The following HSD17B12 variants were observed in gnomAD, a reference collection of about 807,000 sequenced individuals.
HSD17B12 encodes the protein hydroxysteroid 17-beta dehydrogenase 12.
In HSD17B12, 32 loss-of-function variants were observed where a neutral mutation model predicts 39.3. That is an observed-to-expected ratio of 0.81 (90% confidence interval 0.61 to 1.09). The LOEUF is 1.09. Among genes scored for constraint, HSD17B12 ranks in the 50% least tolerant of loss-of-function variants. HSD17B12 has a pLI of 0.00. For missense variants in HSD17B12, 342 were observed against 382.9 expected (o/e 0.89, Z 0.89); for synonymous variants, 150 against 146.7 (o/e 1.02, Z -0.16).
the HSD17B12 span, among the ~76,000 whole-genome samples, chr11:43,580,909 T>A: frequency 6.6e-6 from 1 of 152,048 alleles, no homozygotes; most frequent in Non-Finnish European, 1.5e-5. Context: ...ATTTATTTAG[T>A]GCTCTGGGGG....
the HSD17B12 span, among the ~76,000 whole-genome samples, chr11:43,566,033 C>CTCTT: frequency 6.6e-6 from 1 of 152,088 alleles, no homozygotes; most frequent in Non-Finnish European, 1.5e-5. Context: ...AGGGGATGCT[C>CTCTT]TGTATTTCCG....
intron 3 of HSD17B12, among the ~76,000 whole-genome samples, chr11:43,778,356 C>A (rs1032648313): frequency 7.9e-5 from 12 of 152,056 alleles, no homozygotes; most frequent in African/African-American, 2.7e-4. Flanking sequence ...GCTTACCAAC[C>A]AAAAGGAGTC....
chr11:43,713,733 C>T lies in HSD17B12; in HGVS notation c.160+32746C>T, dbSNP rs369848249. 3.3e-5 allele frequency among the ~76,000 whole-genome samples: 5 copies of T among 152,076 alleles called. No homozygotes were observed. In the South Asian group the frequency reaches 6.2e-4, roughly 19 times the overall value. On this transcript the variant is annotated intron_variant, in intron 1 of 10. Transcript: ENST00000278353. ...TTCCACAATGGTTGAACTAGTTTAC[C>T]GTCCCACCAACAGTGTAAAAGTGTT...
chr11:43,820,358 G>A (rs568146464), intron 6 of HSD17B12, among the ~76,000 whole-genome samples: 7 of 152,312 alleles, frequency 4.6e-5, no homozygotes, highest in African/African-American at 7.2e-5. Context: ...TCACCTTGAC[G>A]AAATTTGTGT....
At chr11:43,588,558 G>A in the HSD17B12 span, among the ~76,000 whole-genome samples, 1 of 151,742 alleles carries the variant, frequency 6.6e-6, no homozygotes, top group Non-Finnish European at 1.5e-5. Context: ...GATTATGCAT[G>A]TGTAAAGAGC....
At chr11:43,800,112 C>A (rs1950952361) in intron 4 of HSD17B12, among the ~76,000 whole-genome samples, 1 of 152,188 alleles carries the variant, frequency 6.6e-6, no homozygotes, top group Non-Finnish European at 1.5e-5. Context: ...ATAAAAAAAT[C>A]TTGACTTCCT....
the HSD17B12 span, among the ~76,000 whole-genome samples, chr11:43,660,080 G>A: frequency 6.6e-6 from 1 of 152,168 alleles, no homozygotes; most frequent in African/African-American, 2.4e-5. Flanking sequence ...CTGATCCAGA[G>A]ACTCCCTTGC....
chr11:43,594,732 A>G, the HSD17B12 span, among the ~76,000 whole-genome samples: 1 of 152,010 alleles, frequency 6.6e-6, no homozygotes, highest in Admixed American at 6.6e-5. Context: ...GGAGTGCATT[A>G]GTCGTTTGTT....
chr11:43,645,900 GA>G, the HSD17B12 span: 1 of 152,226 alleles, frequency 6.6e-6, no homozygotes, highest in South Asian at 2.1e-4. Flanking sequence ...AGAATCACTT[GA>G]ACCCAGGAGG....
chr11:43,712,494 T>C (rs1950076895), intron 1 of HSD17B12, among the ~76,000 whole-genome samples: 1 of 152,102 alleles, frequency 6.6e-6, no homozygotes, highest in Non-Finnish European at 1.5e-5. Flanking sequence ...GATTTTTTTT[T>C]CTACTGATAA....
At chr11:43,577,069 A>G in the HSD17B12 span, among the ~76,000 whole-genome samples, 1 of 151,702 alleles carries the variant, frequency 6.6e-6, no homozygotes. Flanking sequence ...AAAAATCTCT[A>G]CTCCTTTGAC....
rs1950113064 is a variant in HSD17B12 at position 43,715,503 on chromosome 11, G to A, written c.160+34516G>A. Among the ~76,000 whole-genome samples the A allele has an allele frequency of 2.0e-5, 3 of 152,170 alleles. No homozygotes were observed. The South Asian group carries it at 6.2e-4, about 32-fold the overall frequency. ...CTTGATCATGGTAGATAAGCTTTTT[G>A]ATGTGCTGCTGGATTTGGTTTGCCA... is the stretch of plus-strand genomic sequence containing the variant. On this transcript the variant is annotated intron_variant, in intron 1 of 10. Transcript: ENST00000278353.
the HSD17B12 span, among the ~76,000 whole-genome samples, chr11:43,638,378 CAGGTAGGAAAGTAGAGTGGGTA>C: frequency 2.6e-5 from 4 of 151,836 alleles, no homozygotes; most frequent in African/African-American, 9.7e-5. Context: ...GAGTGATGTC[CAGGTAGGAAAGTAGAGTGGGTA>C]AGGCAGTGAA....
At chr11:43,830,916 A>C in intron 6 of HSD17B12, 60 bp from the exon 7 acceptor site, 1 of 1,413,758 alleles carries the variant, frequency 7.1e-7, no homozygotes, top group African/African-American at 1.4e-5. Flanking sequence ...AGTTTTCTTC[A>C]CTCTTTTTCT....
the HSD17B12 span, among the ~76,000 whole-genome samples, chr11:43,639,607 T>C: frequency 6.6e-6 from 1 of 151,616 alleles, no homozygotes; most frequent in Admixed American, 6.6e-5. Context: ...CTTCTATCCA[T>C]AGAAGGAACC....
chr11:43,704,384 G>A (rs1949994690), intron 1 of HSD17B12, among the ~76,000 whole-genome samples: 1 of 152,186 alleles, frequency 6.6e-6, no homozygotes, highest in African/African-American at 2.4e-5. Flanking sequence ...AATACTGAAC[G>A]AACCTTGTAG....
chr11:43,626,034 G>A, the HSD17B12 span, among the ~76,000 whole-genome samples: 3 of 151,430 alleles, frequency 2.0e-5, no homozygotes, highest in Non-Finnish European at 4.4e-5. Flanking sequence ...AATTTTATTA[G>A]TTAAAAGTTT....
chr11:43,624,626 AG>A, the HSD17B12 span, among the ~76,000 whole-genome samples: 1 of 151,882 alleles, frequency 6.6e-6, no homozygotes, highest in Non-Finnish European at 1.5e-5. Context: ...GAAAATATAA[AG>A]GTTCAGAAAT....
chr11:43,850,976 G>C (rs1194287811), intron 9 of HSD17B12, among the ~76,000 whole-genome samples: 1 of 152,212 alleles, frequency 6.6e-6, no homozygotes. Flanking sequence ...CAGGGGAATT[G>C]CTTGAACCAG....
Sources: gnomAD v4.1 joint callset for allele counts (sites outside exome capture counted in the v4.1 genomes callset) on GRCh38, gnomAD v4.1.1 for gene constraint, MANE v1.5 for transcripts, NCBI Gene and HGNC (gene_info 2026-07-23, HGNC 2026-07-21) for gene names.